The following PRR16 variants were observed in gnomAD, a reference collection of about 807,000 sequenced individuals.
The protein encoded by PRR16 is proline rich 16.
A neutral mutation model predicts 18.2 loss-of-function variants in PRR16; 6 were observed. The observed-to-expected ratio is 0.33, with a 90% CI of 0.18 to 0.65. PRR16 has a LOEUF of 0.65. Ranked by LOEUF, PRR16 falls within the 30% of genes least tolerant of loss-of-function variation. PRR16 has a pLI of 0.74. For missense variants in PRR16, 412 were observed against 376.6 expected (o/e 1.09, Z -0.78); for synonymous variants, 151 against 147.8 (o/e 1.02, Z -0.16).
intron 1 of PRR16, among the ~76,000 whole-genome samples, chr5:120,494,598 C>A (rs1750181262): frequency 6.6e-6 from 1 of 151,986 alleles, no homozygotes; most frequent in Non-Finnish European, 1.5e-5. Flanking sequence ...TTTCTTAGAG[C>A]AAAAGTTTTA....
At chr5:120,712,295 A>G in the PRR16 span, among the ~76,000 whole-genome samples, 1 of 152,144 alleles carries the variant, frequency 6.6e-6, no homozygotes, top group Non-Finnish European at 1.5e-5. Context: ...ATACAATACT[A>G]TTAACTATGG....
At chr5:120,684,938 T>A (rs1757075791) in intron 1 of PRR16, among the ~76,000 whole-genome samples, 1 of 152,206 alleles carries the variant, frequency 6.6e-6, no homozygotes, top group Non-Finnish European at 1.5e-5. Flanking sequence ...CTCTGCCTGG[T>A]ACCTGTAGTA....
the PRR16 span, among the ~76,000 whole-genome samples, chr5:120,754,543 TTA>T: frequency 2.2e-5 from 2 of 89,374 alleles, no homozygotes; most frequent in African/African-American, 5.0e-5. Context: ...TTATATGTAA[TTA>T]TATATAATAT....
chr5:120,709,985 A>G, the PRR16 span, among the ~76,000 whole-genome samples: 594 of 152,288 alleles, frequency 3.9e-3, 6 homozygotes, highest in African/African-American at 0.014. Flanking sequence ...TTTTGGATAT[A>G]TAACCACCAG....
At chr5:120,484,632 A>G (rs1404805892) in intron 1 of PRR16, among the ~76,000 whole-genome samples, 1 of 146,470 alleles carries the variant, frequency 6.8e-6, no homozygotes, top group East Asian at 2.0e-4. Flanking sequence ...ATATACACTT[A>G]TATATAATAT....
At chr5:120,704,277 C>T in the PRR16 span, among the ~76,000 whole-genome samples, 4 of 152,096 alleles carry the variant, frequency 2.6e-5, no homozygotes, top group Non-Finnish European at 4.4e-5. Flanking sequence ...TGGAAATGGG[C>T]AGCGATGGAT....
intron 1 of PRR16, among the ~76,000 whole-genome samples, chr5:120,663,067 T>A (rs10078379): frequency 0.058 from 8,815 of 152,222 alleles, 307 homozygotes; most frequent in South Asian, 0.083. Flanking sequence ...TTCACCATTG[T>A]CAACCCTGCA....
chr5:120,750,477 G>A, the PRR16 span, among the ~76,000 whole-genome samples: 1 of 151,902 alleles, frequency 6.6e-6, no homozygotes, highest in Admixed American at 6.6e-5. Context: ...TGATCAACAT[G>A]GTGAAATCCT....
chr5:120,592,938 T>C (rs985308147), intron 1 of PRR16, among the ~76,000 whole-genome samples: 4 of 152,116 alleles, frequency 2.6e-5, no homozygotes, highest in Non-Finnish European at 5.9e-5. Flanking sequence ...TTTACTGCAT[T>C]TGCAATTTCT....
intron 1 of PRR16, among the ~76,000 whole-genome samples, chr5:120,511,923 T>G (rs1427161289): frequency 6.6e-6 from 1 of 152,294 alleles, no homozygotes; most frequent in East Asian, 1.9e-4. Context: ...TCTAGGAAAA[T>G]GAAGAGCTAT....
intron 1 of PRR16, among the ~76,000 whole-genome samples, chr5:120,549,697 AAATCTCGT>A (rs1235137714): frequency 6.6e-6 from 1 of 151,990 alleles, no homozygotes; most frequent in African/African-American, 2.4e-5. Context: ...AGTAAAATTC[AAATCTCGT>A]AAGCTTATTA....
chr5:120,511,033 T>A (rs1414898251), intron 1 of PRR16, among the ~76,000 whole-genome samples: 2 of 152,166 alleles, frequency 1.3e-5, no homozygotes, highest in Non-Finnish European at 2.9e-5. Context: ...TGAATGTGGA[T>A]CTGTCTCTTA....
chr5:120,479,696 T>C (rs1310576013), intron 1 of PRR16, among the ~76,000 whole-genome samples: 1 of 150,458 alleles, frequency 6.6e-6, no homozygotes, highest in Non-Finnish European at 1.5e-5. Flanking sequence ...AACTTTACAT[T>C]GTAAAAGTAA....
chr5:120,774,239 G>C, the PRR16 span, among the ~76,000 whole-genome samples: 8 of 152,064 alleles, frequency 5.3e-5, no homozygotes, highest in Non-Finnish European at 5.9e-5. Context: ...CTATGGAGAA[G>C]GGATAAGTTT....
chr5:120,483,482 G>T (rs1273152504), intron 1 of PRR16, among the ~76,000 whole-genome samples: 3 of 151,998 alleles, frequency 2.0e-5, no homozygotes, highest in African/African-American at 7.2e-5. Flanking sequence ...GCTTCTCACA[G>T]AAGATTTGCT....
chr5:120,754,513 A>ATG, the PRR16 span, among the ~76,000 whole-genome samples: 31,072 of 67,374 alleles, frequency 0.46, 8,391 homozygotes, highest in East Asian at 0.72. Context: ...TATGTATATT[A>ATG]TATATTATAT....
At chr5:120,759,392 CCAAAACATATAAAGAACT>C in the PRR16 span, among the ~76,000 whole-genome samples, 1 of 152,002 alleles carries the variant, frequency 6.6e-6, no homozygotes, top group South Asian at 2.1e-4. Context: ...AGATTTGTAT[CCAAAACATATAAAGAACT>C]CTTAAGTCTA....
At chr5:120,498,523 C>T (rs1291557360) in intron 1 of PRR16, among the ~76,000 whole-genome samples, 1 of 151,716 alleles carries the variant, frequency 6.6e-6, no homozygotes, top group East Asian at 1.9e-4. Flanking sequence ...GCGCATCAGA[C>T]AGTGCCATAC....
the PRR16 span, among the ~76,000 whole-genome samples, chr5:120,693,769 G>GT: frequency 0.33 from 50,118 of 151,964 alleles, 8,768 homozygotes; most frequent in Middle Eastern, 0.5. Flanking sequence ...AAGGTCAGTT[G>GT]TATCTTCTGT....
Sources: gnomAD v4.1 joint callset for allele counts (sites outside exome capture counted in the v4.1 genomes callset) on GRCh38, gnomAD v4.1.1 for gene constraint, MANE v1.5 for transcripts, NCBI Gene and HGNC (gene_info 2026-07-23, HGNC 2026-07-21) for gene names.